Variants in LCORL observed in about 807,000 individuals in gnomAD.
The protein encoded by LCORL is ligand dependent nuclear receptor corepressor like, also known as ligand-dependent nuclear receptor corepressor-like protein.
In LCORL, 41 loss-of-function variants were observed where a neutral mutation model predicts 141.8. The observed-to-expected ratio is 0.29, with a 90% CI of 0.23 to 0.38. LCORL has a LOEUF of 0.38. Ranked by LOEUF, LCORL falls within the 10% of genes least tolerant of loss-of-function variation. The pLI, the probability that LCORL is intolerant of heterozygous loss-of-function variation, is 1.00. For missense variants in LCORL, 1,759 were observed against 2,035.0 expected (o/e 0.86, Z 2.61); for synonymous variants, 618 against 694.1 (o/e 0.89, Z 1.72).
intron 1 of LCORL, among the ~76,000 whole-genome samples, chr4:17,989,084 GC>G (rs2109765867): frequency 6.6e-6 from 1 of 152,280 alleles, no homozygotes; most frequent in African/African-American, 2.4e-5. Flanking sequence ...CTATCCACCA[GC>G]TTTAATAGTA....
chr4:17,847,854 A>G (rs1402996103), intron 7 of LCORL, among the ~76,000 whole-genome samples: 1 of 152,178 alleles, frequency 6.6e-6, no homozygotes, highest in Non-Finnish European at 1.5e-5. Flanking sequence ...GAGAAACTCT[A>G]AGGCAAGCTA....
chr4:17,992,935 G>C (rs1350174671), intron 1 of LCORL, among the ~76,000 whole-genome samples: 1 of 152,204 alleles, frequency 6.6e-6, no homozygotes, highest in Non-Finnish European at 1.5e-5. Context: ...ACAGACTTTA[G>C]GGTTAGGGGA....
intron 4 of LCORL, among the ~76,000 whole-genome samples, chr4:17,953,646 C>G (rs914911500): frequency 6.6e-6 from 1 of 152,054 alleles, no homozygotes; most frequent in Admixed American, 6.6e-5. Flanking sequence ...TTTAAAAAAC[C>G]GTTGAAAGGC....
At chr4:18,000,734 G>A (rs1721816604) in intron 1 of LCORL, among the ~76,000 whole-genome samples, 1 of 152,176 alleles carries the variant, frequency 6.6e-6, no homozygotes, top group Non-Finnish European at 1.5e-5. Flanking sequence ...GTGTTAAAAA[G>A]TGAGAATACT....
chr4:17,873,935 A>G (rs1463519924), exon 7 of LCORL: 12 of 1,233,922 alleles, frequency 9.7e-6, no homozygotes, highest in African/African-American at 1.6e-5. Context: ...ATTTATTCTC[A>G]AAACTAGCAT....
chr4:17,862,905 T>G (rs1030023391), intron 7 of LCORL, among the ~76,000 whole-genome samples: 2 of 152,020 alleles, frequency 1.3e-5, no homozygotes, highest in Non-Finnish European at 2.9e-5. Flanking sequence ...ATCAATAGAG[T>G]AAACAGACAA....
chr4:17,931,029 T>A (rs1735951959), intron 4 of LCORL, among the ~76,000 whole-genome samples: 1 of 152,204 alleles, frequency 6.6e-6, no homozygotes, highest in Non-Finnish European at 1.5e-5. Flanking sequence ...GTTTAACTTT[T>A]CTATTTCTTC....
chr4:17,876,604 G>C (rs1267772057), exon 7 of LCORL: 1 of 1,230,294 alleles, frequency 8.1e-7, no homozygotes, highest in African/African-American at 1.6e-5. Flanking sequence ...TTGGCTTTAG[G>C]GGATTTTTTA....
intron 1 of LCORL, among the ~76,000 whole-genome samples, chr4:18,006,878 C>T (rs1228958560): frequency 6.6e-6 from 1 of 152,126 alleles, no homozygotes; most frequent in Non-Finnish European, 1.5e-5. Flanking sequence ...AAATACAATG[C>T]TCTATATCCT....
chr4:17,869,366 T>C (rs1472217321), intron 7 of LCORL, among the ~76,000 whole-genome samples: 2 of 152,140 alleles, frequency 1.3e-5, no homozygotes, highest in Non-Finnish European at 2.9e-5. Context: ...GCCTTGAATA[T>C]GACTTGTGGC....
At chr4:17,970,100 AAG>A (rs1254205362) in intron 2 of LCORL, among the ~76,000 whole-genome samples, 1 of 152,218 alleles carries the variant, frequency 6.6e-6, no homozygotes, top group Non-Finnish European at 1.5e-5. Flanking sequence ...ATTTATACAA[AAG>A]AGAGAAGGAT....
chr4:17,897,888 T>C (rs531283017), intron 5 of LCORL, among the ~76,000 whole-genome samples: 1 of 152,220 alleles, frequency 6.6e-6, no homozygotes, highest in Non-Finnish European at 1.5e-5. Context: ...GAAATAATGT[T>C]TAGAGACCAC....
chr4:17,859,401 TC>T (rs1198490791), intron 7 of LCORL, among the ~76,000 whole-genome samples: 1 of 152,162 alleles, frequency 6.6e-6, no homozygotes, highest in African/African-American at 2.4e-5. Flanking sequence ...AAATCTGATA[TC>T]CATATTCAGG....
intron 4 of LCORL, among the ~76,000 whole-genome samples, chr4:17,916,763 A>G (rs1304055230): frequency 7.1e-6 from 1 of 141,572 alleles, no homozygotes; most frequent in Non-Finnish European, 1.5e-5. Flanking sequence ...TCATGTCTCC[A>G]TCTCCCGAGT....
chr4:17,960,710 C>T (rs529464496), intron 4 of LCORL, among the ~76,000 whole-genome samples: 36 of 152,240 alleles, frequency 2.4e-4, no homozygotes, highest in Middle Eastern at 3.4e-3. Flanking sequence ...CCCACCTCAG[C>T]CCACCTGTTA....
At chr4:17,900,134 T>C (rs1221561282) in intron 5 of LCORL, among the ~76,000 whole-genome samples, 1 of 152,162 alleles carries the variant, frequency 6.6e-6, no homozygotes. Context: ...GTTAGTCAAG[T>C]GACATTTTAG....
intron 7 of LCORL, among the ~76,000 whole-genome samples, chr4:17,849,279 T>C (rs1182963766): frequency 6.6e-6 from 1 of 152,060 alleles, no homozygotes; most frequent in African/African-American, 2.4e-5. Flanking sequence ...CACCCCCCAG[T>C]TGGGGCAGAC....
chr4:17,911,916 G>T, intron 4 of LCORL: 1 of 529,346 alleles, frequency 1.9e-6, no homozygotes, highest in Middle Eastern at 4.6e-4. Context: ...AGAACGAGGA[G>T]GAGACCATGC....
chr4:17,856,301 A>G (rs1724360783), intron 7 of LCORL, among the ~76,000 whole-genome samples: 1 of 152,136 alleles, frequency 6.6e-6, no homozygotes, highest in South Asian at 2.1e-4. Context: ...TGGGGATAGG[A>G]CCTTTAGGAG....
Sources: allele counts gnomAD v4.1 joint callset (sites outside exome capture counted in the v4.1 genomes callset), GRCh38; gene constraint gnomAD v4.1.1; transcripts MANE v1.5; gene names NCBI Gene and HGNC (gene_info 2026-07-23, HGNC 2026-07-21).